WDFY3: variants seen among roughly 807,000 people sequenced by gnomAD.
The protein encoded by WDFY3 is WD repeat and FYVE domain-containing protein 3.
Under a neutral mutation model 409.6 loss-of-function variants are expected in WDFY3, and 66 were observed. The observed-to-expected ratio is 0.16, with a 90% CI of 0.13 to 0.20. WDFY3 has a LOEUF of 0.20. Ranked by LOEUF, WDFY3 falls within the 10% of genes least tolerant of loss-of-function variation. The pLI, the probability that WDFY3 is intolerant of heterozygous loss-of-function variation, is 1.00. For synonymous variants in WDFY3, 1,521 were observed against 1,537.1 expected, an observed-to-expected ratio of 0.99 and a Z score of 0.25; for missense variants, 3,031 against 4,298.1, an observed-to-expected ratio of 0.71 and a Z score of 8.24.
intron 13 of WDFY3, among the ~76,000 whole-genome samples, chr4:84,814,458 T>C (rs577849978): frequency 6.6e-6 from 1 of 152,272 alleles, no homozygotes; most frequent in African/African-American, 2.4e-5. Flanking sequence ...CCTAAAAATA[T>C]TGAATGAAAA....
chr4:84,884,999 T>A (rs956968856), intron 3 of WDFY3, among the ~76,000 whole-genome samples: 10 of 151,778 alleles, frequency 6.6e-5, no homozygotes, highest in African/African-American at 2.4e-4. Flanking sequence ...ACATATTCTT[T>A]GTTGTTGTTG....
chr4:84,867,624 G>T (rs932668404), intron 3 of WDFY3, among the ~76,000 whole-genome samples: 2 of 152,102 alleles, frequency 1.3e-5, no homozygotes, highest in African/African-American at 4.8e-5. Context: ...CTTTAAACTT[G>T]CTCACCCAAA....
intron 45 of WDFY3, 130 bp downstream of exon 45, chr4:84,726,731 T>C (rs1735718536): frequency 1.3e-6 from 1 of 760,442 alleles, no homozygotes; most frequent in East Asian, 2.8e-5. Context: ...CTAAGGAACT[T>C]ATAGGAAGAA....
At chr4:84,742,986 A>G (rs1435183225) in intron 37 of WDFY3, among the ~76,000 whole-genome samples, 3 of 152,220 alleles carry the variant, frequency 2.0e-5, no homozygotes, top group Admixed American at 1.3e-4. Context: ...ACTGGTAAGA[A>G]TAAGTACAAA....
intron 13 of WDFY3, among the ~76,000 whole-genome samples, 180 bp downstream of exon 13, chr4:84,817,212 T>A (rs1258671299): frequency 6.6e-6 from 1 of 152,182 alleles, no homozygotes; most frequent in African/African-American, 2.4e-5. Flanking sequence ...AAGTAAAATA[T>A]ATACTGAAAG....
chr4:84,779,376 A>C (rs1208136211), intron 26 of WDFY3, among the ~76,000 whole-genome samples: 1 of 151,630 alleles, frequency 6.6e-6, no homozygotes, highest in East Asian at 1.9e-4. Context: ...TCCTCTTCTT[A>C]CAAGTGATTT....
At chr4:84,759,182 T>C (rs1397695003) in intron 32 of WDFY3, among the ~76,000 whole-genome samples, 1 of 152,228 alleles carries the variant, frequency 6.6e-6, no homozygotes, top group Non-Finnish European at 1.5e-5. Context: ...TTGGCACCAG[T>C]ACCTTGCTGT....
In WDFY3 at chr4:84,713,183, C is replaced by T; in HGVS notation, c.8018G>A (p.Arg2673Gln). Residue 2673 changes from arginine (R) to glutamine (Q), a missense_variant, in exon 51 of 68, where the codon CGA becomes CAA. Arg to Gln is a conservative substitution (Grantham distance 43). Transcript: ENST00000295888. ...CCCCTGCTCCACACTCGTGTTTGGT[C>T]GTTGCCCAGATACAGATTCTGAACT... ...TDSSESVSGQRPNTSVEQGSG... is the reference protein window; with the variant it reads ...TDSSESVSGQQPNTSVEQGSG... 2 of 1,614,082 alleles carry T rather than the reference C, an allele frequency of 1.2e-6. No homozygotes were observed. Among genetic ancestry groups the T allele is most frequent in the Non-Finnish European group, 1.7e-6 (2 of 1,179,996 alleles).
At chr4:84,750,174 A>G (rs1740255206) in intron 36 of WDFY3, among the ~76,000 whole-genome samples, 1 of 152,128 alleles carries the variant, frequency 6.6e-6, no homozygotes, top group Non-Finnish European at 1.5e-5. Context: ...TTTTTACCCT[A>G]TACAGTAAGA....
At chr4:84,920,653 C>T (rs547868892) in intron 2 of WDFY3, among the ~76,000 whole-genome samples, 2 of 152,080 alleles carry the variant, frequency 1.3e-5, no homozygotes, top group Non-Finnish European at 2.9e-5. Context: ...CATTATTTTT[C>T]TCCCTAAAAT....
At position 84,789,773 on chromosome 4, in the gene WDFY3, T is replaced by A. The variant is rs749177351; in HGVS notation, c.3622A>T (p.Ser1208Cys). Reference sequence around the variant, plus strand: ...CCATCAATATAAAGGGCTGCAGTACTGTTTTTCAACATGCCTTTGCTCATT... The same window carrying A: ...CCATCAATATAAAGGGCTGCAGTACAGTTTTTCAACATGCCTTTGCTCATT... Reference protein sequence around the residue: ...LVMSKGMLKNSTAALYIDGQL... With the variant: ...LVMSKGMLKNCTAALYIDGQL... Residue 1208 changes from serine to cysteine, a missense_variant, in exon 22 of 68, where the codon AGT (serine) becomes TGT (cysteine). This residue lies in a region of WDFY3 where 1,322 missense variants were observed against 1,697.9 expected (regional missense o/e 0.78). Transcript: ENST00000295888. The A allele has an allele frequency of 1.2e-6, 2 of 1,614,116 alleles. No homozygotes were observed.
intron 58 of WDFY3, among the ~76,000 whole-genome samples, chr4:84,695,509 T>TAGAGAG (rs869147060): frequency 0.037 from 3,998 of 107,300 alleles, 141 homozygotes; most frequent in Admixed American, 0.087. Flanking sequence ...CAGAGAGAGA[T>TAGAGAG]AGAGAGAGAG....
chr4:84,862,098 G>A (rs2150219406), intron 3 of WDFY3, among the ~76,000 whole-genome samples: 1 of 152,338 alleles, frequency 6.6e-6, no homozygotes, highest in South Asian at 2.1e-4. Context: ...TCTGCCTACT[G>A]ATTTTTAAAA....
intron 2 of WDFY3, among the ~76,000 whole-genome samples, chr4:84,908,301 G>T (rs1767314249): frequency 6.6e-6 from 1 of 152,144 alleles, no homozygotes; most frequent in Admixed American, 6.6e-5. Context: ...GCAGTAGACA[G>T]ATTCAACAGA....
chr4:84,959,331 T>G (rs903546867), intron 1 of WDFY3, among the ~76,000 whole-genome samples: 1 of 152,152 alleles, frequency 6.6e-6, no homozygotes, highest in Non-Finnish European at 1.5e-5. Flanking sequence ...AGACCACAAT[T>G]TCACATTTTA....
Position 84,751,603 on chromosome 4 carries a change from T to C in WDFY3, c.5853A>G (p.Thr1951=), listed in dbSNP as rs970541929. The C allele has an allele frequency of 8.1e-6, 13 of 1,614,028 alleles. No homozygotes were observed. The highest frequency in any genetic ancestry group is 1.1e-5 in the South Asian group (1 of 91,088). Residue 1951 remains threonine, a synonymous_variant, in exon 36 of 68, where the codon ACA becomes ACG. Coordinates refer to ENST00000295888, the MANE Select transcript of WDFY3 (RefSeq NM_014991.6). Reference sequence around the variant, plus strand: ...TTTTAGCCGGGTGATTGGTCAGATATGTCTTGGTGCCCACATTGCAGTACT... The same window carrying C: ...TTTTAGCCGGGTGATTGGTCAGATACGTCTTGGTGCCCACATTGCAGTACT... ...QSEYCNVGTK[T]YLTNHPAKKF... is the part of the protein sequence containing the mutation.
intron 1 of WDFY3, among the ~76,000 whole-genome samples, chr4:84,935,706 A>G (rs1771320763): frequency 6.6e-6 from 1 of 152,200 alleles, no homozygotes; most frequent in Admixed American, 6.6e-5. Context: ...AGCAAGTTAG[A>G]GTACCAATGA....
At chr4:84,841,054 G>T in intron 6 of WDFY3, 100 bp downstream of exon 6, 1 of 901,866 alleles carries the variant, frequency 1.1e-6, no homozygotes, top group Non-Finnish European at 1.7e-6. Flanking sequence ...GATTATCATA[G>T]TATCTCATTT....
chr4:84,746,075 A>C (rs1461984335), intron 36 of WDFY3, among the ~76,000 whole-genome samples: 2 of 150,992 alleles, frequency 1.3e-5, no homozygotes, highest in East Asian at 3.9e-4. Flanking sequence ...TGGGAGGCTA[A>C]GGCAGGTGGA....
Sources: allele counts gnomAD v4.1 joint callset (sites outside exome capture counted in the v4.1 genomes callset), GRCh38; gene constraint gnomAD v4.1.1; regional missense constraint gnomAD v4.1.1; transcripts MANE v1.5; gene names NCBI Gene and HGNC (gene_info 2026-07-23, HGNC 2026-07-21).